Variants in SCN10A observed in about 807,000 individuals in gnomAD.
The protein encoded by SCN10A is sodium channel protein type 10 subunit alpha.
A neutral mutation model predicts 170.7 loss-of-function variants in SCN10A; 162 were observed. The observed-to-expected ratio is 0.95, with a 90% confidence interval of 0.84 to 1.08. The LOEUF (loss-of-function observed/expected upper bound fraction) is 1.08. Ranked by LOEUF, SCN10A falls within the 50% of genes least tolerant of loss-of-function variation. SCN10A has a pLI of 0.00. For missense variants in SCN10A, 2,527 were observed against 2,436.9 expected (o/e 1.04, Z -0.78); for synonymous variants, 985 against 904.6 (o/e 1.09, Z -1.59).
intron 3 of SCN10A, 59 bp from the exon 4 acceptor site, chr3:38,789,095 G>T: frequency 2.2e-6 from 2 of 922,426 alleles, no homozygotes; most frequent in South Asian, 1.3e-5. Context: ...TGTCATCTAG[G>T]ATCACCTTGA....
At chr3:38,776,301 C>T (rs1424711298) in intron 4 of SCN10A, among the ~76,000 whole-genome samples, 1 of 152,064 alleles carries the variant, frequency 6.6e-6, no homozygotes, top group Non-Finnish European at 1.5e-5. Context: ...TCATTACTTA[C>T]ATTGTGACCT....
rs1177831483 is a variant in SCN10A, at chr3:38,742,406, T to C, written c.1991A>G (p.Asp664Gly). ...GGTGATGGTGAGCTCTGCAAAGGGA[T>C]CCGTCACAAGCCCAAAGAGAATTGT... ...LKTILFGLVT[D>G]PFAELTITLC... The change falls in exon 14 of 28, where the codon GAT (aspartate) becomes GGT (glycine). Residue 664 changes from aspartate to glycine, a missense_variant. Transcript: ENST00000449082. 8.1e-6 allele frequency: 13 copies of C among 1,614,030 alleles called. No homozygotes were observed. In the Admixed American group the frequency reaches 1.7e-4, roughly 21 times the overall value.
intron 24 of SCN10A, 21 bp from the exon 25 acceptor site, chr3:38,709,636 G>A (rs780751943): frequency 6.4e-7 from 1 of 1,568,288 alleles, no homozygotes. Flanking sequence ...ACAAGGGAGA[G>A]TGGGAAGGAG....
intron 26 of SCN10A, among the ~76,000 whole-genome samples, chr3:38,706,226 G>A (rs2063209892): frequency 6.6e-6 from 1 of 152,162 alleles, no homozygotes; most frequent in Admixed American, 6.5e-5. Flanking sequence ...AAAGTTTGAA[G>A]TAAATTATGC....
In SCN10A at chr3:38,697,639, C is replaced by A. The variant is rs771771293; in HGVS notation, c.5581G>T (p.Ala1861Ser). The change falls in exon 28 of 28, where the codon GCC becomes TCC. Residue 1861 changes from alanine to serine, a missense_variant. Coordinates refer to ENST00000449082, the MANE Select transcript of SCN10A (RefSeq NM_006514.4). The part of the protein sequence containing the change: ...EDISATVIQK[A>S]YRSYVLHRSM... ...CGGTGCAGCACATAGCTCCGATAGG[C>A]CTTTTGAATGACAGTGGCTGAAATG... 1 of 1,614,180 alleles carries A rather than the reference C, an allele frequency of 6.2e-7. No homozygotes were observed. Among genetic ancestry groups the A allele is most frequent in the Non-Finnish European group, 8.5e-7 (1 of 1,180,046 alleles).
intron 8 of SCN10A, 92 bp downstream of exon 8, chr3:38,760,589 C>A: frequency 1.0e-6 from 1 of 980,918 alleles, no homozygotes. Flanking sequence ...TTTCCCAGGA[C>A]CTGCAACCCC....
At position 38,801,123 on chromosome 3, in the gene SCN10A, C is replaced by T. The variant is rs1165987979; in HGVS notation, c.-32-7081G>A. On this transcript the variant is annotated intron_variant, in intron 1 of 27. Coordinates refer to ENST00000449082, the MANE Select transcript of SCN10A (RefSeq NM_006514.4). Reference sequence around the variant, plus strand: ...GGCAAGGCAAGACAGAGGGTTCTTCCGACCAGATTTTGTAGATCTTAGCAG... The same window carrying T: ...GGCAAGGCAAGACAGAGGGTTCTTCTGACCAGATTTTGTAGATCTTAGCAG... 3.3e-5 allele frequency among the ~76,000 whole-genome samples: 5 copies of T among 152,074 alleles called. No homozygotes were observed. In the South Asian group the frequency reaches 6.2e-4, roughly 19 times the overall value.
chr3:38,699,707 T>C (rs1209585106), intron 27 of SCN10A, among the ~76,000 whole-genome samples: 1 of 152,224 alleles, frequency 6.6e-6, no homozygotes, highest in Non-Finnish European at 1.5e-5. Flanking sequence ...GGTACATTAT[T>C]TGTCTACATA....
chr3:38,795,268 A>G (rs914251330), intron 1 of SCN10A, among the ~76,000 whole-genome samples: 6 of 151,584 alleles, frequency 4.0e-5, no homozygotes, highest in Non-Finnish European at 5.9e-5. Flanking sequence ...CCTTGCAGGG[A>G]TACAAGAGAT....
intron 26 of SCN10A, among the ~76,000 whole-genome samples, chr3:38,702,879 C>T (rs11129800): frequency 0.44 from 66,271 of 151,996 alleles, 14,614 homozygotes; most frequent in Middle Eastern, 0.52. Flanking sequence ...AAAGCTCCTA[C>T]TGTGATCTTC....
At chr3:38,795,206 C>T (rs2064331520) in intron 1 of SCN10A, among the ~76,000 whole-genome samples, 2 of 152,132 alleles carry the variant, frequency 1.3e-5, no homozygotes, top group African/African-American at 2.4e-5. Flanking sequence ...TTTCCAGTCA[C>T]TTTTCAGTCT....
chr3:38,736,962 C>CTTTTTT (rs2063567359), intron 15 of SCN10A, among the ~76,000 whole-genome samples: 14 of 69,244 alleles, frequency 2.0e-4, no homozygotes, highest in African/African-American at 5.7e-4. Flanking sequence ...CAGAAATGTT[C>CTTTTTT]GTTTTTTTTT....
Position 38,726,821 on chromosome 3 carries a change from C to T in SCN10A, c.2872G>A (p.Ala958Thr). Reference sequence around the variant, plus strand: ...GTGTTGGCAGCAATGTGGTTCTCAGCCTTGGAGCTGGAGAGTGGGAGTTTC... The same window carrying T: ...GTGTTGGCAGCAATGTGGTTCTCAGTCTTGGAGCTGGAGAGTGGGAGTTTC... ...VVKLPLSSSK[A>T]ENHIAANTAR... Residue 958 changes from alanine (A) to threonine (T), a missense_variant, in exon 17 of 28, where the codon GCT becomes ACT. Coordinates refer to ENST00000449082, the MANE Select transcript of SCN10A (RefSeq NM_006514.4). 6.2e-7 allele frequency: 1 copy of T among 1,613,356 alleles called. No individual in the cohort carries two copies. The highest frequency in any genetic ancestry group is 1.7e-4 in the Middle Eastern group (1 of 6,060).
At chr3:38,701,063 G>C (rs868485221) in intron 27 of SCN10A, among the ~76,000 whole-genome samples, 1 of 152,186 alleles carries the variant, frequency 6.6e-6, no homozygotes, top group African/African-American at 2.4e-5. Context: ...AATTTTAAAT[G>C]TATAAAATAA....
At chr3:38,805,473 A>C (rs1192010975) in intron 1 of SCN10A, among the ~76,000 whole-genome samples, 1 of 152,174 alleles carries the variant, frequency 6.6e-6, no homozygotes, top group Admixed American at 6.5e-5. Context: ...CAGACTGGTC[A>C]AGACTTTAAG....
chr3:38,712,550 C>T (rs969550601), intron 22 of SCN10A, 105 bp from the exon 23 acceptor site: 2 of 1,199,552 alleles, frequency 1.7e-6, no homozygotes, highest in Admixed American at 2.5e-5. Context: ...AGCCAGTGGC[C>T]TTTGGAAGAA....
chr3:38,737,832 C>CTTTCTT lies in SCN10A; in HGVS notation c.2280+1682_2280+1683insAAGAAA, dbSNP rs373851282. ...TCTTTCTTTCTTTCTTTCTTTCTTTCTCTTTCTTCTTTCTTTCTTTCTCTT... is the reference window on the plus strand; with the variant it reads ...TCTTTCTTTCTTTCTTTCTTTCTTTCTTTCTTTCTTTCTTCTTTCTTTCTTTCTCTT... On this transcript the variant is annotated intron_variant, in intron 15 of 27. Coordinates refer to ENST00000449082, the MANE Select transcript of SCN10A (RefSeq NM_006514.4). Among the ~76,000 whole-genome samples, 245 of 70,232 alleles carry CTTTCTT rather than the reference C, an allele frequency of 3.5e-3. 4 individuals are homozygous for CTTTCTT. Among genetic ancestry groups the CTTTCTT allele is most frequent in the African/African-American group, 9.5e-3 (194 of 20,398 alleles). 46.1% of individuals were successfully genotyped at this position (70,232 alleles called of 152,430 possible).
chr3:38,735,169 C>CAAAAAAAAAAA (rs543574832), intron 15 of SCN10A, among the ~76,000 whole-genome samples: 14 of 76,148 alleles, frequency 1.8e-4, no homozygotes, highest in East Asian at 3.3e-4. Context: ...GACTCTGTCT[C>CAAAAAAAAAAA]AAAAAAAAAA....
rs529861077 is a variant in SCN10A at position 38,698,278 on chromosome 3, C to T, written c.4942G>A (p.Ala1648Thr). The T allele has an allele frequency of 1.9e-5, 31 of 1,614,032 alleles. No individual in the cohort carries two copies. The South Asian group carries it at 2.1e-4, about 11-fold the overall frequency. The change falls in exon 28 of 28, where the codon GCC (alanine) becomes ACC (threonine). Residue 1648 changes from alanine to threonine, a missense_variant. Ala to Thr is a moderately conservative substitution (Grantham distance 58, BLOSUM62 0). Coordinates refer to ENST00000449082, the MANE Select transcript of SCN10A (RefSeq NM_006514.4). ...TGGAAGAGGCACAGCATGCTGTTGGCGAAGGTCTGGAAGTTGAACATGTCG... is the reference window on the plus strand; with the variant it reads ...TGGAAGAGGCACAGCATGCTGTTGGTGAAGGTCTGGAAGTTGAACATGTCG... ...IDDMFNFQTF[A>T]NSMLCLFQIT...
Sources: allele counts gnomAD v4.1 joint callset (sites outside exome capture counted in the v4.1 genomes callset), GRCh38; gene constraint gnomAD v4.1.1; transcripts MANE v1.5; gene names NCBI Gene and HGNC (gene_info 2026-07-23, HGNC 2026-07-21).